MFGE8: variants seen among roughly 807,000 people sequenced by gnomAD.
MFGE8 encodes the protein milk fat globule EGF and factor V/VIII domain containing.
Under a neutral mutation model 42.6 loss-of-function variants are expected in MFGE8, and 34 were observed. The observed-to-expected ratio is 0.80, with a 90% CI of 0.61 to 1.06. The LOEUF is 1.06. Ranked by LOEUF, MFGE8 falls within the 50% of genes least tolerant of loss-of-function variation. The pLI is 0.00. For missense variants in MFGE8, 510 were observed against 516.9 expected, an observed-to-expected ratio of 0.99 and a Z score of 0.13; for synonymous variants, 230 against 214.8, an observed-to-expected ratio of 1.07 and a Z score of -0.62.
chr15:88,911,488 C>T (rs113752871), intron 1 of MFGE8, among the ~76,000 whole-genome samples: 5,061 of 152,042 alleles, frequency 0.033, 320 homozygotes, highest in African/African-American at 0.12. Context: ...TTTGGGAGGC[C>T]GAGGTGGGAG....
At chr15:88,909,735 G>T in intron 2 of MFGE8, 57 bp downstream of exon 2, 2 of 1,610,392 alleles carry the variant, frequency 1.2e-6, no homozygotes, top group Non-Finnish European at 1.7e-6. Flanking sequence ...ATGCCACCAG[G>T]GCTGTGGCTC....
At position 88,906,013 on chromosome 15, in the gene MFGE8, G is replaced by T; in HGVS notation, c.541-112C>A. The T allele has an allele frequency of 7.5e-7, 1 of 1,338,718 alleles. No individual in the cohort carries two copies. The highest frequency in any genetic ancestry group is 2.3e-5 in the East Asian group (1 of 42,974). 82.9% of individuals were successfully genotyped at this position (1,338,718 alleles called of 1,614,324 possible). On this transcript the variant is annotated intron_variant, in intron 4 of 7. Transcript: ENST00000268150. This position sits in a 1 kb window ranked among gnomAD's most constrained non-coding sequence, Gnocchi z 4.2. Reference sequence around the variant, plus strand: ...GGGAGGCAGAGGTGGGGCTGGGAGGGTGAAGAGGACTTGGAAGAGCCAGCA... The same window carrying T: ...GGGAGGCAGAGGTGGGGCTGGGAGGTTGAAGAGGACTTGGAAGAGCCAGCA...
chr15:88,905,585 G>A lies in MFGE8; in HGVS notation c.685+172C>T, dbSNP rs756498648. The stretch of plus-strand genomic sequence containing the variant: ...GTTGGCAGACAGCAAACACCTGGGT[G>A]GGGCTGCTATGGCCAGGTGACCCCC... On this transcript the variant is annotated intron_variant, in intron 5 of 7. Coordinates refer to ENST00000268150, the MANE Select transcript of MFGE8 (RefSeq NM_005928.4). The surrounding 1 kb of genome is among the most constrained non-coding windows in gnomAD (Gnocchi z 6.6). The A allele has an allele frequency of 8.9e-5, 73 of 817,760 alleles. No individual in the cohort carries two copies. The highest frequency in any genetic ancestry group is 1.2e-4 in the Non-Finnish European group (58 of 490,158). 50.7% of individuals were successfully genotyped at this position (817,760 alleles called of 1,614,324 possible).
At chr15:88,901,511 C>T in intron 6 of MFGE8, 40 bp downstream of exon 6, 5 of 908,644 alleles carry the variant, frequency 5.5e-6, no homozygotes, top group Non-Finnish European at 9.0e-6. Context: ...CACCTCATCC[C>T]ACCCAACCCC....
chr15:88,913,207 G>A, intron 1 of MFGE8, 40 bp downstream of exon 1: 1 of 1,487,080 alleles, frequency 6.7e-7, no homozygotes, highest in Non-Finnish European at 8.9e-7. Context: ...GCGGCGCGGG[G>A]AGGAGGGGCG....
At chr15:88,911,716 G>A (rs1311234504) in intron 1 of MFGE8, among the ~76,000 whole-genome samples, 2 of 149,602 alleles carry the variant, frequency 1.3e-5, no homozygotes, top group African/African-American at 5.0e-5. Context: ...GACACAGCAA[G>A]ATTCCATCTC....
chr15:88,912,496 C>G (rs1899012083), intron 1 of MFGE8: 3 of 985,434 alleles, frequency 3.0e-6, no homozygotes, highest in Non-Finnish European at 3.6e-6. Flanking sequence ...CTGGCCCTGA[C>G]TCCCTCCCAG....
At chr15:88,904,460 C>G (rs575433884) in intron 5 of MFGE8, 5 of 152,216 alleles carry the variant, frequency 3.3e-5, no homozygotes, top group African/African-American at 1.2e-4. Flanking sequence ...GGTACCTGGG[C>G]TTCCTTGGTT....
At chr15:88,912,796 C>T (rs1168072101) in intron 1 of MFGE8, 23 of 985,420 alleles carry the variant, frequency 2.3e-5, no homozygotes, top group Non-Finnish European at 2.8e-5. Context: ...CGCAAAAATC[C>T]AATGAACTGT....
chr15:88,906,741 A>G lies in MFGE8; in HGVS notation c.425T>C (p.Val142Ala). The G allele has an allele frequency of 6.2e-7, 1 of 1,613,488 alleles. No individual in the cohort carries two copies. Residue 142 changes from valine (V) to alanine (A), a missense_variant, in exon 4 of 8, where the codon GTG (valine) becomes GCG (alanine). Physicochemically the swap from Val to Ala is moderately conservative, Grantham distance 64. Transcript: ENST00000268150. This position sits in a 1 kb window ranked among gnomAD's most constrained non-coding sequence, Gnocchi z 4.2. ...GGCCAAGCGGCTGGCACCCTGCGTC[A>G]CCACACCTGTTACCCACATCCTCCG... is the stretch of plus-strand genomic sequence containing the variant. ...LLRRMWVTGV[V>A]TQGASRLASH...
intron 5 of MFGE8, chr15:88,904,545 G>C (rs1277579681): frequency 6.6e-6 from 1 of 152,282 alleles, no homozygotes; most frequent in Non-Finnish European, 1.5e-5. Context: ...ATGGCCAAAG[G>C]CTTCAAGCCA....
At chr15:88,908,840 C>T (rs974684991) in intron 2 of MFGE8, among the ~76,000 whole-genome samples, 4 of 152,168 alleles carry the variant, frequency 2.6e-5, no homozygotes, top group East Asian at 3.9e-4. Context: ...AGGCATCCTA[C>T]TCACTTGACC....
At chr15:88,912,029 C>G in intron 1 of MFGE8, 3 of 1,008,656 alleles carry the variant, frequency 3.0e-6, no homozygotes, top group South Asian at 2.7e-5. Context: ...TCTTCCCTCC[C>G]AACTGCACCG....
In MFGE8 at chr15:88,913,287, G is replaced by A. The variant is rs1262042897; in HGVS notation, c.33C>T (p.Cys11=). 2.5e-5 allele frequency: 37 copies of A among 1,481,890 alleles called. No homozygotes were observed. The East Asian group carries it at 9.1e-4, about 36-fold the overall frequency. The allele number at this position is 1,481,890 out of a possible 1,614,324, so 91.8% of individuals were successfully genotyped here. MPRPRLLAAL[C]GALLCAPSLL... ...GGCTGGGGGCGCAGAGCAGCGCGCC[G>A]CACAGCGCGGCCAGCAGGCGGGGGC... The change falls in exon 1 of 8, where the codon TGC becomes TGT. Residue 11 remains cysteine (C), a synonymous_variant. Transcript: ENST00000268150.
At position 88,902,690 on chromosome 15, in the gene MFGE8, G is replaced by T. The variant is rs559191523; in HGVS notation, c.686-955C>A. On this transcript the variant is annotated intron_variant, in intron 5 of 7. Transcript: ENST00000268150. This position sits in a 1 kb window ranked among gnomAD's most constrained non-coding sequence, Gnocchi z 4.3. ...GCCGGGCTGCCTTGCACTTGTATCTGCACCTGCATATGGATAGAACAGTTG... is the reference window on the plus strand; with the variant it reads ...GCCGGGCTGCCTTGCACTTGTATCTTCACCTGCATATGGATAGAACAGTTG... 48 of 152,370 alleles carry T rather than the reference G, an allele frequency of 3.2e-4. No homozygotes were observed. The highest frequency in any genetic ancestry group is 1.2e-3 in the African/African-American group (48 of 41,572). 9.4% of individuals were successfully genotyped at this position (152,370 alleles called of 1,614,324 possible). A position where few individuals can be genotyped will look rare whatever the true frequency, so the allele number is the denominator to read the frequency against.
rs546386114 is a variant in MFGE8, at chr15:88,909,725, A to G, written c.205+67T>C. ...AGAGAATAAGGCCAGCATATGGCCT[A>G]TGCCACCAGGGCTGTGGCTCAGGGT... On this transcript the variant is annotated intron_variant, in intron 2 of 7. Transcript: ENST00000268150. The G allele has an allele frequency of 2.5e-6, 4 of 1,608,378 alleles. No individual in the cohort carries two copies. The Admixed American group carries it at 6.7e-5, about 27-fold the overall frequency.
intron 5 of MFGE8, chr15:88,904,792 G>C (rs1293024896): frequency 6.6e-6 from 1 of 152,426 alleles, no homozygotes; most frequent in African/African-American, 2.4e-5. Context: ...TCTGAAATGA[G>C]ACAACAGGAA....
chr15:88,905,874 C>T lies in MFGE8; in HGVS notation c.568G>A (p.Ala190Thr), dbSNP rs1318710823. The T allele has an allele frequency of 9.3e-6, 15 of 1,614,042 alleles. No homozygotes were observed. Among genetic ancestry groups the T allele is most frequent in the Non-Finnish European group, 1.3e-5 (15 of 1,180,030 alleles). ...KEFVGNWNKN[A>T]VHVNLFETPV... is the part of the protein sequence containing the mutation. ...GTCTCAAACAGGTTGACATGCACCG[C>T]GTTTTTGTTCCAGTTACCCACAAAC... Residue 190 changes from alanine to threonine, a missense_variant, in exon 5 of 8, where the codon GCG becomes ACG. Transcript: ENST00000268150. This position sits in a 1 kb window ranked among gnomAD's most constrained non-coding sequence, Gnocchi z 6.6.
intron 6 of MFGE8, among the ~76,000 whole-genome samples, chr15:88,901,237 ACACATTCACACG>A (rs143423472): frequency 0.12 from 15,503 of 127,272 alleles, 3,481 homozygotes; most frequent in Middle Eastern, 0.23. Context: ...ACATTCACAC[ACACATTCACACG>A]CACGCATTCA....
Sources: allele counts gnomAD v4.1 joint callset (sites outside exome capture counted in the v4.1 genomes callset), GRCh38; gene constraint gnomAD v4.1.1; non-coding constraint Gnocchi (gnomAD v3.1); transcripts MANE v1.5; gene names NCBI Gene and HGNC (gene_info 2026-07-23, HGNC 2026-07-21).